Variants in TRIM68 observed in about 807,000 individuals in gnomAD.
TRIM68 encodes the protein E3 ubiquitin-protein ligase TRIM68.
Under a neutral mutation model 41.9 loss-of-function variants are expected in TRIM68, and 36 were observed. The ratio of observed to expected loss-of-function variants is 0.86; its 90% CI spans 0.66 to 1.14. The LOEUF is 1.14. Among genes scored for constraint, TRIM68 ranks in the 50% most tolerant of loss-of-function variants. TRIM68 has a pLI of 0.00. For synonymous variants in TRIM68, 225 were observed against 224.6 expected, an observed-to-expected ratio of 1.00 and a Z score of -0.02; for missense variants, 632 against 605.1, an observed-to-expected ratio of 1.04 and a Z score of -0.47.
At chr11:4,605,826 T>A (rs775957887) in intron 1 of TRIM68, among the ~76,000 whole-genome samples, 14 of 152,148 alleles carry the variant, frequency 9.2e-5, no homozygotes, top group Non-Finnish European at 1.9e-4. Flanking sequence ...CAACTCTGAT[T>A]TTCCTCTGGG....
chr11:4,601,382 G>C, intron 5 of TRIM68: 4 of 593,744 alleles, frequency 6.7e-6, no homozygotes, highest in Non-Finnish European at 3.0e-6. Flanking sequence ...TTTTCTGTCG[G>C]ACATGAAGGA....
At position 4,600,165 on chromosome 11, in the gene TRIM68, G is replaced by C. The variant is rs1846458934; in HGVS notation, c.*111C>G. On this transcript the variant is annotated 3_prime_UTR_variant, in exon 7 of 7. Transcript: ENST00000300747. ...CAAAGGATCAGACAGAGGAATCCTT[G>C]GATACTGGGCTCAGCTCAGTTTCAG... is the stretch of plus-strand genomic sequence containing the variant. The C allele has an allele frequency of 4.6e-6, 5 of 1,095,760 alleles. No individual in the cohort carries two copies. Among genetic ancestry groups the C allele is most frequent in the African/African-American group, 1.6e-5 (1 of 63,528 alleles). 67.9% of individuals were successfully genotyped at this position (1,095,760 alleles called of 1,614,324 possible).
chr11:4,603,495 G>A (rs1053917974), intron 2 of TRIM68, among the ~76,000 whole-genome samples, 155 bp from the exon 3 acceptor site: 7 of 152,210 alleles, frequency 4.6e-5, no homozygotes, highest in South Asian at 4.1e-4. Context: ...CTGCCCAGAT[G>A]ACATCCGAGG....
intron 1 of TRIM68, 29 bp from the exon 2 acceptor site, chr11:4,605,590 G>A: frequency 2.3e-6 from 3 of 1,313,536 alleles, no homozygotes; most frequent in Admixed American, 2.4e-5. Context: ...AGACAAATAA[G>A]AGAAAAAGGT....
In TRIM68 at chr11:4,600,816, G is replaced by A; in HGVS notation, c.918C>T (p.Arg306=). The change falls in exon 7 of 7, where the codon CGC becomes CGT. Residue 306 remains arginine (R), a synonymous_variant. Transcript: ENST00000300747. ...GGGAGTAAGCAGTATCTGGATCCAA[G>A]CGCACATCAGCTAGAAGAAAAGGTC... ...EILKTYAADV[R]LDPDTAYSRL... is the part of the protein sequence containing the mutation. 6.2e-7 allele frequency: 1 copy of A among 1,612,126 alleles called. No individual in the cohort carries two copies. Among genetic ancestry groups the A allele is most frequent in the Non-Finnish European group, 8.5e-7 (1 of 1,178,530 alleles).
At position 4,600,460 on chromosome 11, in the gene TRIM68, A is replaced by T. The variant is rs200700449; in HGVS notation, c.1274T>A (p.Ile425Asn). The change falls in exon 7 of 7, where the codon ATC (isoleucine) becomes AAC (asparagine). Residue 425 changes from isoleucine to asparagine, a missense_variant. Physicochemically the swap from Ile to Asn is moderately radical, Grantham distance 149. Transcript: ENST00000300747. The part of the protein sequence containing the change: ...SLPVPPRRVG[I>N]FVDYEAHDIS... ...GTCATGGGCCTCATAATCCACGAAGATTCCCACCCGGCGAGGAGGGACCGG... is the reference window on the plus strand; with the variant it reads ...GTCATGGGCCTCATAATCCACGAAGTTTCCCACCCGGCGAGGAGGGACCGG... 1 of 1,613,640 alleles carries T rather than the reference A, an allele frequency of 6.2e-7. No individual in the cohort carries two copies. Among genetic ancestry groups the T allele is most frequent in the Non-Finnish European group, 8.5e-7 (1 of 1,179,794 alleles).
chr11:4,605,462 C>T lies in TRIM68; in HGVS notation c.43G>A (p.Ala15Thr). 1 of 1,612,436 alleles carries T rather than the reference C, an allele frequency of 6.2e-7. No homozygotes were observed. Among genetic ancestry groups the T allele is most frequent in the East Asian group, 2.2e-5 (1 of 44,812 alleles). Residue 15 changes from alanine (A) to threonine (T), a missense_variant, in exon 2 of 7, where the codon GCC (alanine) becomes ACC (threonine). Transcript: ENST00000300747. ...AGGAAGGTCATACAGATGGGACAGG[C>T]CACTTCTTCCACAATGGCTTCCACC... is the stretch of plus-strand genomic sequence containing the variant. ...ALVEAIVEEV[A>T]CPICMTFLRE... is the part of the protein sequence containing the mutation.
intron 1 of TRIM68, among the ~76,000 whole-genome samples, chr11:4,607,780 G>A (rs1420491727): frequency 6.6e-6 from 1 of 152,186 alleles, no homozygotes; most frequent in Non-Finnish European, 1.5e-5. Context: ...CGGTTGCTTT[G>A]ACTGTGCCTT....
At chr11:4,607,839 G>A (rs1224532382) in intron 1 of TRIM68, among the ~76,000 whole-genome samples, 188 bp downstream of exon 1, 2 of 152,162 alleles carry the variant, frequency 1.3e-5, no homozygotes, top group African/African-American at 4.8e-5. Context: ...AAGGGGGCGG[G>A]GCCTGGAAGA....
chr11:4,602,205 T>A lies in TRIM68; in HGVS notation c.730A>T (p.Met244Leu). 6.2e-7 allele frequency: 1 copy of A among 1,614,108 alleles called. No individual in the cohort carries two copies. The highest frequency in any genetic ancestry group is 8.5e-7 in the Non-Finnish European group (1 of 1,180,002). Residue 244 changes from methionine to leucine, a missense_variant, in exon 4 of 7, where the codon ATG becomes TTG. Transcript: ENST00000300747. ...GACCTCTCTTTCAACTCTGCAATCA[T>A]CCTCCACAGGACCTGGCTCTGCTGG... ...LIQQSQVLWR[M>L]IAELKERSQR...
chr11:4,600,768 T>C lies in TRIM68; in HGVS notation c.966A>G (p.Arg322=). 1 of 1,614,200 alleles carries C rather than the reference T, an allele frequency of 6.2e-7. No homozygotes were observed. Among genetic ancestry groups the C allele is most frequent in the Non-Finnish European group, 8.5e-7 (1 of 1,180,040 alleles). The change falls in exon 7 of 7, where the codon AGA becomes AGG. Residue 322 remains arginine, a synonymous_variant. Coordinates refer to ENST00000300747, the MANE Select transcript of TRIM68 (RefSeq NM_018073.8). The part of the protein sequence containing the change: ...AYSRLIVSED[R]KRVHYGDTNQ... ...TGGTGTCTCCATAGTGCACACGTTT[T>C]CTGTCCTCAGACACGATGAGACGGG...
chr11:4,601,590 C>G, intron 5 of TRIM68, 74 bp downstream of exon 5: 6 of 1,534,170 alleles, frequency 3.9e-6, no homozygotes, highest in Non-Finnish European at 5.4e-6. Flanking sequence ...TGTGCTCCGT[C>G]CCTACTTCTG....
At position 4,600,708 on chromosome 11, in the gene TRIM68, G is replaced by A; in HGVS notation, c.1026C>T (p.Tyr342=). The A allele has an allele frequency of 6.2e-7, 1 of 1,614,170 alleles. No individual in the cohort carries two copies. The highest frequency in any genetic ancestry group is 8.5e-7 in the Non-Finnish European group (1 of 1,180,032). ...GGCTTCCCAGGACGATATTATAGCGGTAAAATCTCTCAGGATTGTCTGGCA... is the reference window on the plus strand; with the variant it reads ...GGCTTCCCAGGACGATATTATAGCGATAAAATCTCTCAGGATTGTCTGGCA... ...QKLPDNPERF[Y]RYNIVLGSQC... The change falls in exon 7 of 7, where the codon TAC becomes TAT. Residue 342 remains tyrosine, a synonymous_variant. Transcript: ENST00000300747.
At chr11:4,601,448 C>T (rs995264562) in intron 5 of TRIM68, 17 of 599,584 alleles carry the variant, frequency 2.8e-5, no homozygotes, top group Non-Finnish European at 5.9e-6. Flanking sequence ...ACATATTTTA[C>T]AGCTTCACTT....
Position 4,600,522 on chromosome 11 carries a change from G to C in TRIM68, c.1212C>G (p.Tyr404Ter). 6.2e-7 allele frequency: 1 copy of C among 1,613,992 alleles called. No homozygotes were observed. Among genetic ancestry groups the C allele is most frequent in the Non-Finnish European group, 8.5e-7 (1 of 1,179,970 alleles). Residue 404 changes from tyrosine (Y) to a stop codon, truncating the protein, a stop_gained, in exon 7 of 7, where the codon TAC becomes TAG. Transcript: ENST00000300747. LOFTEE classifies it high-confidence loss of function. ...TTGGGTACTCATCGGTGCCTGCTCG[G>C]TACTCATTTCCCTTCCTCAGCCTTA... is the stretch of plus-strand genomic sequence containing the variant. ...WVIRLRKGNEYRAGTDEYPIL... is the reference protein window; with the variant it reads ...WVIRLRKGNE
At chr11:4,605,603 CAG>C in intron 1 of TRIM68, 42 bp from the exon 2 acceptor site, 2 of 1,158,460 alleles carry the variant, frequency 1.7e-6, no homozygotes, top group Non-Finnish European at 2.4e-6. Context: ...AAAAAGGTAA[CAG>C]AGGAACAGAG....
At chr11:4,605,611 C>G in intron 1 of TRIM68, 50 bp from the exon 2 acceptor site, 1 of 1,079,316 alleles carries the variant, frequency 9.3e-7, no homozygotes, top group Non-Finnish European at 1.3e-6. Context: ...AACAGAGGAA[C>G]AGAGAGATCA....
chr11:4,605,054 G>A, intron 2 of TRIM68, 25 bp downstream of exon 2: 1 of 1,608,426 alleles, frequency 6.2e-7, no homozygotes, highest in Non-Finnish European at 8.5e-7. Context: ...GGGTTAGACT[G>A]GAGTGGCCAG....
rs564306632 is a variant in TRIM68 at position 4,603,261 on chromosome 11, C to T, written c.506G>A (p.Arg169Gln). The change falls in exon 3 of 7, where the codon CGA (arginine) becomes CAA (glutamine). Residue 169 changes from arginine (R) to glutamine (Q), a missense_variant. Arg to Gln is a conservative substitution (Grantham distance 43, BLOSUM62 1). Coordinates refer to ENST00000300747, the MANE Select transcript of TRIM68 (RefSeq NM_018073.8). Reference protein sequence around the residue: ...AWKLEVGERKRTATWKIQVET... With the variant: ...AWKLEVGERKQTATWKIQVET... ...GCAACCTGCCTTCCAGGTGGCAGTT[C>T]GTTTCCTTTCACCAACTTCAAGCTT... The T allele has an allele frequency of 8.7e-6, 14 of 1,614,206 alleles. No homozygotes were observed. The highest frequency in any genetic ancestry group is 4.5e-5 in the East Asian group (2 of 44,886).
Sources: gnomAD v4.1 joint callset for allele counts (sites outside exome capture counted in the v4.1 genomes callset) on GRCh38, gnomAD v4.1.1 for gene constraint, MANE v1.5 for transcripts, NCBI Gene and HGNC (gene_info 2026-07-23, HGNC 2026-07-21) for gene names.